Variants in FHOD3 observed in about 807,000 individuals in gnomAD.
The protein encoded by FHOD3 is FH1/FH2 domain-containing protein 3.
Under a neutral mutation model 173.0 loss-of-function variants are expected in FHOD3, and 90 were observed. The observed-to-expected ratio is 0.52, with a 90% CI of 0.44 to 0.62. The LOEUF is 0.62. Ranked by LOEUF, FHOD3 falls within the 20% of genes least tolerant of loss-of-function variation. FHOD3 has a pLI of 0.00. For missense variants in FHOD3, 1,945 were observed against 2,034.7 expected, an observed-to-expected ratio of 0.96 and a Z score of 0.85; for synonymous variants, 828 against 823.0, an observed-to-expected ratio of 1.01 and a Z score of -0.10.
At chr18:36,473,439 T>C (rs926542878) in intron 3 of FHOD3, among the ~76,000 whole-genome samples, 1 of 152,170 alleles carries the variant, frequency 6.6e-6, no homozygotes, top group African/African-American at 2.4e-5. Context: ...ATGCAGCACC[T>C]GAGACCTGCT....
At chr18:36,510,640 A>G (rs2055580245) in intron 4 of FHOD3, among the ~76,000 whole-genome samples, 1 of 152,164 alleles carries the variant, frequency 6.6e-6, no homozygotes, top group Non-Finnish European at 1.5e-5. Flanking sequence ...GCTTGGAAAA[A>G]CTTTCTGACT....
chr18:36,601,197 A>G (rs1003484190), intron 7 of FHOD3, among the ~76,000 whole-genome samples: 3 of 152,228 alleles, frequency 2.0e-5, no homozygotes, highest in African/African-American at 7.2e-5. Context: ...CTTTGTGCTC[A>G]GTTAGCAAGG....
intron 10 of FHOD3, among the ~76,000 whole-genome samples, chr18:36,633,096 T>G (rs907774909): frequency 8.5e-5 from 13 of 152,234 alleles, no homozygotes; most frequent in Admixed American, 5.2e-4. Context: ...AGGGGCTGCG[T>G]GTGCACTGTG....
chr18:36,752,596 C>A (rs562601567), intron 24 of FHOD3, among the ~76,000 whole-genome samples: 2 of 152,242 alleles, frequency 1.3e-5, no homozygotes, highest in South Asian at 4.1e-4. Context: ...CCTTTTTGTT[C>A]TTCTGAAGGA....
At chr18:36,699,413 A>C (rs981059001) in intron 17 of FHOD3, among the ~76,000 whole-genome samples, 3 of 152,228 alleles carry the variant, frequency 2.0e-5, no homozygotes, top group African/African-American at 7.2e-5. Context: ...TGGGTGAGAC[A>C]TCTGCACCTT....
rs2091829766 is a variant in FHOD3, at chr18:36,297,729, G to A, written c.-107G>A. 4 of 862,820 alleles carry A rather than the reference G, an allele frequency of 4.6e-6. No homozygotes were observed. The highest frequency in any genetic ancestry group is 5.9e-6 in the Non-Finnish European group (4 of 672,968). 53.4% of individuals were successfully genotyped at this position (862,820 alleles called of 1,614,324 possible). Reference sequence around the variant, plus strand: ...GGCGCGCCTGAGCCTGCGAGTCCGCGAGCCAGCGAGCTGCGGCTGCGGCCT... The same window carrying A: ...GGCGCGCCTGAGCCTGCGAGTCCGCAAGCCAGCGAGCTGCGGCTGCGGCCT... On this transcript the variant is annotated 5_prime_UTR_variant, in exon 1 of 29. Transcript: ENST00000590592.
intron 1 of FHOD3, among the ~76,000 whole-genome samples, chr18:36,342,983 T>G (rs2045698705): frequency 6.6e-6 from 1 of 152,222 alleles, no homozygotes. Flanking sequence ...ATTTCACATT[T>G]ATTAGGATTG....
At chr18:36,534,600 G>A (rs556742323) in intron 5 of FHOD3, among the ~76,000 whole-genome samples, 3 of 152,026 alleles carry the variant, frequency 2.0e-5, no homozygotes, top group East Asian at 1.9e-4. Flanking sequence ...TCCACCTCCC[G>A]GGCTCAAGCA....
chr18:36,446,723 T>G (rs534934593), intron 3 of FHOD3, among the ~76,000 whole-genome samples: 39 of 152,258 alleles, frequency 2.6e-4, no homozygotes, highest in Admixed American at 2.0e-4. Context: ...TTGTTATCCC[T>G]CACCCCCACC....
At chr18:36,730,583 A>G in intron 19 of FHOD3, 63 bp from the exon 20 acceptor site, 1 of 1,535,276 alleles carries the variant, frequency 6.5e-7, no homozygotes, top group Non-Finnish European at 8.9e-7. Flanking sequence ...GCTTTTAATA[A>G]TGAAATGCAG....
intron 5 of FHOD3, among the ~76,000 whole-genome samples, chr18:36,546,938 A>C (rs547577828): frequency 1.3e-5 from 2 of 152,134 alleles, no homozygotes; most frequent in African/African-American, 4.8e-5. Context: ...AAGTAGTGAG[A>C]TCTAAGGGCT....
At chr18:36,425,647 A>C (rs1379935005) in intron 3 of FHOD3, among the ~76,000 whole-genome samples, 1 of 152,210 alleles carries the variant, frequency 6.6e-6, no homozygotes, top group African/African-American at 2.4e-5. Flanking sequence ...AAAATTAAAA[A>C]GTGTATAAAC....
At chr18:36,472,960 A>T (rs1205744207) in intron 3 of FHOD3, among the ~76,000 whole-genome samples, 1 of 152,236 alleles carries the variant, frequency 6.6e-6, no homozygotes, top group Non-Finnish European at 1.5e-5. Flanking sequence ...AAAGAGGTAG[A>T]ATTTTACAAC....
chr18:36,744,840 A>T (rs188653146), intron 23 of FHOD3, among the ~76,000 whole-genome samples: 1 of 152,142 alleles, frequency 6.6e-6, no homozygotes, highest in Non-Finnish European at 1.5e-5. Context: ...AGGCTGACCA[A>T]CTCCTAGAGG....
At chr18:36,616,295 G>A (rs541380343) in intron 9 of FHOD3, among the ~76,000 whole-genome samples, 278 of 152,258 alleles carry the variant, frequency 1.8e-3, no homozygotes, top group African/African-American at 6.6e-3. Context: ...CCACAGATTT[G>A]GATTCCATAG....
chr18:36,730,943 G>T (rs994574440), intron 20 of FHOD3, 139 bp downstream of exon 20: 1 of 909,736 alleles, frequency 1.1e-6, no homozygotes, highest in African/African-American at 1.7e-5. Context: ...ATTCTTACAC[G>T]TGTTAAACTT....
At chr18:36,663,780 C>T (rs531200967) in intron 14 of FHOD3, among the ~76,000 whole-genome samples, 38 of 152,226 alleles carry the variant, frequency 2.5e-4, no homozygotes, top group Non-Finnish European at 4.3e-4. Context: ...CCAGTGATGG[C>T]CTGCCAGGCT....
At chr18:36,369,394 A>G (rs2146019738) in intron 2 of FHOD3, among the ~76,000 whole-genome samples, 1 of 151,138 alleles carries the variant, frequency 6.6e-6, no homozygotes, top group Non-Finnish European at 1.5e-5. Flanking sequence ...AAGCTACCAA[A>G]TTTAAAGGGA....
chr18:36,615,810 T>C (rs1326055771), intron 9 of FHOD3, among the ~76,000 whole-genome samples: 2 of 152,098 alleles, frequency 1.3e-5, no homozygotes, highest in Non-Finnish European at 2.9e-5. Flanking sequence ...ATGGAGAGAG[T>C]GATGTATAAC....
Sources: gnomAD v4.1 joint callset for allele counts (sites outside exome capture counted in the v4.1 genomes callset) on GRCh38, gnomAD v4.1.1 for gene constraint, MANE v1.5 for transcripts, NCBI Gene and HGNC (gene_info 2026-07-23, HGNC 2026-07-21) for gene names.